TTC9B: variants seen among roughly 807,000 people sequenced by gnomAD.
TTC9B encodes the protein tetratricopeptide repeat domain 9B, also known as tetratricopeptide repeat protein 9B.
In TTC9B, 12 loss-of-function variants were observed where a neutral mutation model predicts 19.4. The observed-to-expected ratio is 0.62, with a 90% confidence interval of 0.40 to 1.00. TTC9B has a LOEUF of 1.00. Ranked by LOEUF, TTC9B falls within the 50% of genes least tolerant of loss-of-function variation. The pLI is 0.00. For missense variants in TTC9B, 316 were observed against 345.2 expected (o/e 0.92, Z 0.67); for synonymous variants, 156 against 158.6 (o/e 0.98, Z 0.12).
chr19:40,217,497 G>T, intron 1 of TTC9B, 128 bp from the exon 2 acceptor site: 1 of 1,203,296 alleles, frequency 8.3e-7, no homozygotes, highest in Non-Finnish European at 1.1e-6. Flanking sequence ...AACCAGGGGC[G>T]CCAATCCGCT....
chr19:40,216,145 G>A lies in TTC9B; in HGVS notation c.*18C>T. ...GAGGTGGGAGGGCGAGGGATAGAGA[G>A]GTCCCCCTGGATTGGCCTCAGCCAA... On this transcript the variant is annotated 3_prime_UTR_variant, in exon 3 of 3. Coordinates refer to ENST00000311308, the MANE Select transcript of TTC9B (RefSeq NM_152479.6). The A allele has an allele frequency of 6.2e-7, 1 of 1,603,418 alleles. No homozygotes were observed. The highest frequency in any genetic ancestry group is 8.5e-7 in the Non-Finnish European group (1 of 1,170,212).
intron 2 of TTC9B, chr19:40,216,878 G>A (rs1423782909): frequency 2.0e-6 from 1 of 509,162 alleles, no homozygotes; most frequent in African/African-American, 1.9e-5. Flanking sequence ...ACAGTGGGTG[G>A]ATAGGGAAGT....
chr19:40,218,354 G>C lies in TTC9B; in HGVS notation c.28C>G (p.Leu10Val), dbSNP rs1044129478. The C allele has an allele frequency of 7.4e-6, 10 of 1,343,100 alleles. No homozygotes were observed. In the African/African-American group the frequency reaches 1.1e-4, roughly 14 times the overall value. 83.2% of individuals were successfully genotyped at this position (1,343,100 alleles called of 1,614,324 possible). A position where few individuals can be genotyped will look rare whatever the true frequency, so the allele number is the denominator to read the frequency against. Residue 10 changes from leucine to valine, a missense_variant, in exon 1 of 3, where the codon CTG becomes GTG. Leu to Val is a conservative substitution (Grantham distance 32). Transcript: ENST00000311308. The surrounding 1 kb of genome is among the most constrained non-coding windows in gnomAD (Gnocchi z 4.2). ...GGCTCCGGGGCAGCGCTGAGCATCA[G>C]CACCGGGGACAGCGCGCCGCGCTGC... MQRGALSPV[L>V]MLSAAPEPPP...
intron 2 of TTC9B, 76 bp from the exon 3 acceptor site, chr19:40,216,348 C>T: frequency 9.2e-7 from 1 of 1,089,986 alleles, no homozygotes; most frequent in Non-Finnish European, 1.4e-6. Context: ...CTGGCTCACA[C>T]CCCATTCTCC....
chr19:40,217,922 C>CGG, intron 1 of TTC9B, 33 bp downstream of exon 1: 5 of 1,304,532 alleles, frequency 3.8e-6, no homozygotes, highest in Non-Finnish European at 4.0e-6. Flanking sequence ...CCCCTCCCCT[C>CGG]GTGCCCCATC....
intron 1 of TTC9B, 43 bp downstream of exon 1, chr19:40,217,912 C>A (rs1973392154): frequency 1.5e-6 from 2 of 1,329,594 alleles, no homozygotes; most frequent in Non-Finnish European, 2.0e-6. Flanking sequence ...TCCCGATTGC[C>A]CCCTCCCCTC....
chr19:40,216,457 C>T, intron 2 of TTC9B, 185 bp from the exon 3 acceptor site: 1 of 598,758 alleles, frequency 1.7e-6, no homozygotes, highest in South Asian at 1.9e-5. Context: ...GGAGCCATCG[C>T]ACACCTCTGT....
chr19:40,217,061 C>G lies in TTC9B; in HGVS notation c.610+126G>C, dbSNP rs1015285040. The G allele has an allele frequency of 2.1e-5, 24 of 1,121,882 alleles. No homozygotes were observed. The Admixed American group carries it at 5.5e-4, about 26-fold the overall frequency. 69.5% of individuals were successfully genotyped at this position (1,121,882 alleles called of 1,614,324 possible). On this transcript the variant is annotated intron_variant, in intron 2 of 2. Transcript: ENST00000311308. Reference sequence around the variant, plus strand: ...GAGTAGGTGGGTGGCGCAGCCCTACCTAGAAGCAGCTCCGCGGGAGGAGGG... The same window carrying G: ...GAGTAGGTGGGTGGCGCAGCCCTACGTAGAAGCAGCTCCGCGGGAGGAGGG...
At chr19:40,217,133 C>T (rs1973378279) in intron 2 of TTC9B, 54 bp downstream of exon 2, 5 of 1,553,056 alleles carry the variant, frequency 3.2e-6, no homozygotes, top group Non-Finnish European at 4.4e-6. Flanking sequence ...TCCGCTGCAG[C>T]CCCTTTCCCC....
At chr19:40,216,569 C>T (rs1465924670) in intron 2 of TTC9B, 3 of 438,504 alleles carry the variant, frequency 6.8e-6, no homozygotes, top group African/African-American at 4.0e-5. Context: ...CTGTTCTCTC[C>T]GAGCCACTTA....
chr19:40,216,636 T>G (rs1308725362), intron 2 of TTC9B: 1 of 322,538 alleles, frequency 3.1e-6, no homozygotes, highest in African/African-American at 2.1e-5. Context: ...GTAATCCCTC[T>G]TCCTTCTTCA....
rs1334682292 is a variant in TTC9B, at chr19:40,218,027, G to T, written c.355C>A (p.Pro119Thr). 6.7e-7 allele frequency: 1 copy of T among 1,484,554 alleles called. No individual in the cohort carries two copies. Among genetic ancestry groups the T allele is most frequent in the Non-Finnish European group, 8.9e-7 (1 of 1,121,464 alleles). 92.0% of individuals were successfully genotyped at this position (1,484,554 alleles called of 1,614,324 possible). The change falls in exon 1 of 3, where the codon CCG (proline) becomes ACG (threonine). Residue 119 changes from proline to threonine, a missense_variant. Coordinates refer to ENST00000311308, the MANE Select transcript of TTC9B (RefSeq NM_152479.6). This position sits in a 1 kb window ranked among gnomAD's most constrained non-coding sequence, Gnocchi z 4.2. ...CGCTGCTCCTCGCTGAGGCGCGCCG[G>T]CCCGGGGCTGCTGGTGGGCCCGGGG... ...PAPGPTSSPG[P>T]ARLSEEQRRL...
Position 40,217,962 on chromosome 19 carries a change from G to A in TTC9B, c.420C>T (p.Ser140=). 1 of 1,487,234 alleles carries A rather than the reference G, an allele frequency of 6.7e-7. No individual in the cohort carries two copies. The highest frequency in any genetic ancestry group is 1.5e-5 in the African/African-American group (1 of 67,996). 92.1% of individuals were successfully genotyped at this position (1,487,234 alleles called of 1,614,324 possible). Residue 140 remains serine (S), a synonymous_variant, in exon 1 of 3, where the codon TCC becomes TCT. Transcript: ENST00000311308. ...VESTEVECYD[S]LTACLLQSEL... The stretch of plus-strand genomic sequence containing the variant: ...CACCCCCCGACGGCGTACCCGTGAG[G>A]GAGTCGTAACACTCCACCTCCGTGC...
intron 2 of TTC9B, chr19:40,216,532 C>T: frequency 2.0e-6 from 1 of 503,014 alleles, no homozygotes; most frequent in East Asian, 3.5e-5. Flanking sequence ...TCACACTTCT[C>T]ATCCTCCAGC....
rs116658973 is a variant in TTC9B, at chr19:40,217,890, G to A, written c.427+65C>T. On this transcript the variant is annotated intron_variant, in intron 1 of 2. Coordinates refer to ENST00000311308, the MANE Select transcript of TTC9B (RefSeq NM_152479.6). ...CAGCCCCAGGGCCCCTGGCCCCCAA[G>A]TCGCCAAGCTCTCCCGATTGCCCCC... 1.2e-3 allele frequency: 1,611 copies of A among 1,342,316 alleles called. 11 individuals carry two copies. The African/African-American group carries it at 0.019, about 16-fold the overall frequency. 83.2% of individuals were successfully genotyped at this position (1,342,316 alleles called of 1,614,324 possible). A position where few individuals can be genotyped will look rare whatever the true frequency, so the allele number is the denominator to read the frequency against.
chr19:40,216,156 A>T lies in TTC9B; in HGVS notation c.*7T>A. 1.9e-6 allele frequency: 3 copies of T among 1,613,186 alleles called. No individual in the cohort carries two copies. The highest frequency in any genetic ancestry group is 2.5e-6 in the Non-Finnish European group (3 of 1,179,160). On this transcript the variant is annotated 3_prime_UTR_variant, in exon 3 of 3. Transcript: ENST00000311308. ...GCGAGGGATAGAGAGGTCCCCCTGG[A>T]TTGGCCTCAGCCAATTACATCCCGA... is the stretch of plus-strand genomic sequence containing the variant.
Position 40,217,334 on chromosome 19 carries a change from G to T in TTC9B, c.463C>A (p.Arg155Ser). Residue 155 changes from arginine to serine, a missense_variant, in exon 2 of 3, where the codon CGC becomes AGC. Physicochemically the swap from Arg to Ser is moderately radical, Grantham distance 110. Coordinates refer to ENST00000311308, the MANE Select transcript of TTC9B (RefSeq NM_152479.6). ...ACCTTGAGACAGTACTCGCGCACGC[G>T]CTCGTAGTTTACCAGCTCCGACTGC... is the stretch of plus-strand genomic sequence containing the variant. Reference protein sequence around the residue: ...LLQSELVNYERVREYCLKVLE... With the variant: ...LLQSELVNYESVREYCLKVLE... 13 of 1,613,798 alleles carry T rather than the reference G, an allele frequency of 8.1e-6. No individual in the cohort carries two copies. Among genetic ancestry groups the T allele is most frequent in the Non-Finnish European group, 1.0e-5 (12 of 1,179,882 alleles).
chr19:40,217,117 G>A (rs1266871494), intron 2 of TTC9B, 70 bp downstream of exon 2: 18 of 1,510,614 alleles, frequency 1.2e-5, no homozygotes, highest in Non-Finnish European at 1.6e-5. Flanking sequence ...CTTCCTGCCT[G>A]TTCCCTCCGC....
Position 40,217,176 on chromosome 19 carries a change from C to A in TTC9B, c.610+11G>T. ...GCCCAGCCCTCACCTCTGCCCCGCC[C>A]CGCCACTCACCTGTGGGTTCCCGGC... On this transcript the variant is annotated intron_variant, in intron 2 of 2. Transcript: ENST00000311308. 1 of 1,607,516 alleles carries A rather than the reference C, an allele frequency of 6.2e-7. No individual in the cohort carries two copies.
Sources: allele counts gnomAD v4.1 joint callset, GRCh38; gene constraint gnomAD v4.1.1; non-coding constraint Gnocchi (gnomAD v3.1); transcripts MANE v1.5; gene names NCBI Gene and HGNC (gene_info 2026-07-23, HGNC 2026-07-21).